MAP4K3: variants seen among roughly 807,000 people sequenced by gnomAD.
The protein encoded by MAP4K3 is mitogen-activated protein kinase kinase kinase kinase 3, also known as MAPK/ERK kinase kinase kinase 3.
A neutral mutation model predicts 143.5 loss-of-function variants in MAP4K3; 94 were observed. The observed-to-expected ratio is 0.65, with a 90% CI of 0.55 to 0.78. The LOEUF is 0.78. Among genes scored for constraint, MAP4K3 ranks in the 30% least tolerant of loss-of-function variants. The pLI is 0.00. For synonymous variants in MAP4K3, 416 were observed against 347.2 expected, an observed-to-expected ratio of 1.20 and a Z score of -2.20; for missense variants, 1,077 against 1,068.1, an observed-to-expected ratio of 1.01 and a Z score of -0.12.
chr2:39,291,212 T>C (rs372880499), intron 18 of MAP4K3, among the ~76,000 whole-genome samples: 2 of 152,210 alleles, frequency 1.3e-5, no homozygotes, highest in African/African-American at 4.8e-5. Context: ...CTACATTATA[T>C]GTATCAAAAC....
At chr2:39,295,846 G>A (rs1484860537) in intron 16 of MAP4K3, among the ~76,000 whole-genome samples, 1 of 151,544 alleles carries the variant, frequency 6.6e-6, no homozygotes, top group Non-Finnish European at 1.5e-5. Context: ...AGCCTCCCGA[G>A]TAGCTAGGAT....
intron 26 of MAP4K3, among the ~76,000 whole-genome samples, chr2:39,269,941 A>G (rs1680942634): frequency 6.6e-6 from 1 of 152,196 alleles, no homozygotes; most frequent in South Asian, 2.1e-4. Flanking sequence ...AAAATAAAAC[A>G]AAACAAAAAC....
intron 15 of MAP4K3, among the ~76,000 whole-genome samples, chr2:39,307,244 G>T (rs913620873): frequency 6.6e-6 from 1 of 152,032 alleles, no homozygotes; most frequent in Non-Finnish European, 1.5e-5. Context: ...GTAGCAGAAA[G>T]AACTATTTAC....
At chr2:39,343,998 T>A (rs905334158) in intron 3 of MAP4K3, among the ~76,000 whole-genome samples, 13 of 152,310 alleles carry the variant, frequency 8.5e-5, no homozygotes, top group African/African-American at 3.1e-4. Flanking sequence ...AGCTGTGATT[T>A]ATATAGGTCA....
chr2:39,299,110 C>T (rs182972862), intron 16 of MAP4K3, among the ~76,000 whole-genome samples: 17 of 152,026 alleles, frequency 1.1e-4, no homozygotes, highest in Admixed American at 2.6e-4. Flanking sequence ...AAATGAGACT[C>T]TAAGGGGAAT....
chr2:39,384,194 T>A (rs1020690397), intron 1 of MAP4K3, among the ~76,000 whole-genome samples: 1 of 152,052 alleles, frequency 6.6e-6, no homozygotes, highest in East Asian at 1.9e-4. Context: ...AGTATTACTA[T>A]CTGACCCTTT....
At chr2:39,400,641 A>G (rs1224765680) in intron 1 of MAP4K3, among the ~76,000 whole-genome samples, 3 of 150,296 alleles carry the variant, frequency 2.0e-5, no homozygotes. Context: ...TTTATTTTTT[A>G]TTTTTTAATA....
chr2:39,288,785 GC>G (rs1681906110), intron 19 of MAP4K3, among the ~76,000 whole-genome samples: 1 of 152,220 alleles, frequency 6.6e-6, no homozygotes, highest in Non-Finnish European at 1.5e-5. Context: ...GGGTGCGGTG[GC>G]TCACGCCTCT....
rs754215622 is a variant in MAP4K3, at chr2:39,309,528, GAAA to G, written c.998-12_998-10del. On this transcript the variant is annotated splice_polypyrimidine_tract_variant and intron_variant, in intron 13 of 33. Coordinates refer to ENST00000263881, the MANE Select transcript of MAP4K3 (RefSeq NM_003618.4). Reference sequence around the variant, plus strand: ...AAATTTCACTTGGCCAACTAAAAAAGAAAAAAAAGTAAAACCAGGATTTTTTTT... The same window carrying G: ...AAATTTCACTTGGCCAACTAAAAAAGAAAAAGTAAAACCAGGATTTTTTTT... 5 of 486,896 alleles carry G rather than the reference GAAA, an allele frequency of 1.0e-5. No individual in the cohort carries two copies. In the African/African-American group the frequency reaches 1.2e-4, roughly 12 times the overall value. The allele number at this position is 486,896 out of a possible 1,614,324, so 30.2% of individuals were successfully genotyped here. A position where few individuals can be genotyped will look rare whatever the true frequency, so the allele number is the denominator to read the frequency against.
At chr2:39,415,492 A>C (rs924495285) in intron 1 of MAP4K3, among the ~76,000 whole-genome samples, 1 of 152,138 alleles carries the variant, frequency 6.6e-6, no homozygotes, top group Non-Finnish European at 1.5e-5. Flanking sequence ...AAAGAAAGGA[A>C]AGTGAAATTA....
chr2:39,421,642 G>T (rs1453840257), intron 1 of MAP4K3, among the ~76,000 whole-genome samples: 1 of 152,076 alleles, frequency 6.6e-6, no homozygotes, highest in Non-Finnish European at 1.5e-5. Flanking sequence ...AATAAAATAA[G>T]GCCTAGTACA....
At position 39,274,220 on chromosome 2, in the gene MAP4K3, TC is replaced by T. The variant is rs201440738; in HGVS notation, c.1795-1679del. Among the ~76,000 whole-genome samples the T allele has an allele frequency of 6.9e-3, 991 of 143,426 alleles. 38 individuals are homozygous for T. Among genetic ancestry groups the T allele is most frequent in the African/African-American group, 0.018 (694 of 39,594 alleles). The allele number at this position is 143,426 out of a possible 152,430, so 94.1% of individuals were successfully genotyped here. A position where few individuals can be genotyped will look rare whatever the true frequency, so the allele number is the denominator to read the frequency against. ...TTTCATTTTGAATTTTCTTTCTCTC[TC>T]TTTTTTTTTTTTTGAGATGGAGTCT... On this transcript the variant is annotated intron_variant, in intron 24 of 33. Coordinates refer to ENST00000263881, the MANE Select transcript of MAP4K3 (RefSeq NM_003618.4).
Position 39,331,917 on chromosome 2 carries a change from C to A in MAP4K3, c.530G>T (p.Trp177Leu). The change falls in exon 8 of 34, where the codon TGG becomes TTG. Residue 177 changes from tryptophan (W) to leucine (L), a missense_variant and splice_region_variant. By Grantham distance (61) the Trp-to-Leu change is moderately conservative (BLOSUM62 -2). Around this residue, in one of 2 missense-constraint regions of MAP4K3, gnomAD observed 213 missense variants for 266.8 expected, o/e 0.80. Transcript: ENST00000263881. ...KRKSFIGTPY[W>L]MAPEVAAVER... ...TAAATATCAATTAAAATACAATTAC[C>A]AATATGGTGTGCCAATGAAAGACTT... 1 of 1,552,458 alleles carries A rather than the reference C, an allele frequency of 6.4e-7. No individual in the cohort carries two copies. The highest frequency in any genetic ancestry group is 1.2e-5 in the South Asian group (1 of 81,852).
intron 12 of MAP4K3, chr2:39,323,443 A>G: frequency 6.6e-6 from 1 of 152,220 alleles, no homozygotes; most frequent in East Asian, 1.9e-4. Context: ...ACTGAAAAGG[A>G]TATAGGCAGT....
chr2:39,431,414 C>CT (rs762447359), intron 1 of MAP4K3, among the ~76,000 whole-genome samples: 1 of 151,984 alleles, frequency 6.6e-6, no homozygotes, highest in African/African-American at 2.4e-5. Context: ...ACTTTCATAC[C>CT]TTTTTTAATT....
At chr2:39,294,776 C>A (rs1037373504) in intron 16 of MAP4K3, among the ~76,000 whole-genome samples, 20 of 152,256 alleles carry the variant, frequency 1.3e-4, no homozygotes, top group African/African-American at 4.3e-4. Flanking sequence ...TTCTTTATTA[C>A]TATTGGCTAA....
At chr2:39,275,899 G>A (rs1290545232) in intron 24 of MAP4K3, among the ~76,000 whole-genome samples, 1 of 152,034 alleles carries the variant, frequency 6.6e-6, no homozygotes, top group African/African-American at 2.4e-5. Context: ...TTGAGATGGA[G>A]TCTCACTCCG....
At chr2:39,313,147 T>A (rs1682996546) in intron 13 of MAP4K3, among the ~76,000 whole-genome samples, 1 of 152,244 alleles carries the variant, frequency 6.6e-6, no homozygotes, top group Non-Finnish European at 1.5e-5. Context: ...ATCTTCCAGT[T>A]ACTCTTCAAA....
intron 3 of MAP4K3, among the ~76,000 whole-genome samples, chr2:39,350,677 A>G (rs1187522004): frequency 6.6e-6 from 1 of 152,192 alleles, no homozygotes; most frequent in Non-Finnish European, 1.5e-5. Flanking sequence ...TTACTGTAAT[A>G]AATACACCAT....
Sources: allele counts gnomAD v4.1 joint callset (sites outside exome capture counted in the v4.1 genomes callset), GRCh38; gene constraint gnomAD v4.1.1; regional missense constraint gnomAD v4.1.1; transcripts MANE v1.5; gene names NCBI Gene and HGNC (gene_info 2026-07-23, HGNC 2026-07-21).